The following SEMA4D variants were observed in gnomAD, a reference collection of about 807,000 sequenced individuals.
SEMA4D encodes the protein semaphorin-4D.
A neutral mutation model predicts 74.8 loss-of-function variants in SEMA4D; 22 were observed. The ratio of observed to expected loss-of-function variants is 0.29; its 90% CI spans 0.21 to 0.42. The LOEUF (loss-of-function observed/expected upper bound fraction) is 0.42, where lower values mean the gene tolerates loss of function less well. Among genes scored for constraint, SEMA4D ranks in the 10% least tolerant of loss-of-function variants. The pLI, the probability that SEMA4D is intolerant of heterozygous loss-of-function variation, is 1.00. For synonymous variants in SEMA4D, 445 were observed against 463.7 expected (o/e 0.96, Z 0.52); for missense variants, 937 against 1,118.4 (o/e 0.84, Z 2.31).
chr9:89,487,139 T>C (rs1336830550), intron 1 of SEMA4D, among the ~76,000 whole-genome samples: 1 of 149,350 alleles, frequency 6.7e-6, no homozygotes, highest in South Asian at 2.1e-4. Context: ...TCCAGCAATA[T>C]ATAAATATAT....
intron 2 of SEMA4D, among the ~76,000 whole-genome samples, chr9:89,444,890 A>G (rs1852471645): frequency 6.6e-6 from 1 of 152,134 alleles, no homozygotes. Context: ...AAGAAAGAAG[A>G]TCAATATCTA....
intron 1 of SEMA4D, among the ~76,000 whole-genome samples, chr9:89,474,413 G>A (rs12238518): frequency 0.19 from 28,573 of 152,128 alleles, 2,897 homozygotes; most frequent in East Asian, 0.32. Flanking sequence ...AGATCCAAAT[G>A]CCTCCATGTT....
chr9:89,371,552 TGTG>T (rs1225147206), intron 16 of SEMA4D, among the ~76,000 whole-genome samples: 1 of 3,888 alleles, frequency 2.6e-4, no homozygotes, highest in Non-Finnish European at 5.7e-4. Context: ...GTGTTTGGGG[TGTG>T]GTGTGTGGGG....
At chr9:89,485,506 G>T (rs1317450414) in intron 1 of SEMA4D, among the ~76,000 whole-genome samples, 4 of 152,038 alleles carry the variant, frequency 2.6e-5, no homozygotes, top group Admixed American at 2.6e-4. Context: ...AACATTAACC[G>T]GGCTGGGCAC....
intron 2 of SEMA4D, among the ~76,000 whole-genome samples, chr9:89,437,388 G>A (rs1850686046): frequency 6.6e-6 from 1 of 152,208 alleles, no homozygotes; most frequent in African/African-American, 2.4e-5. Flanking sequence ...ACTTGGTCTT[G>A]AATAAGCAAA....
At chr9:89,464,304 T>C (rs548873748) in intron 1 of SEMA4D, among the ~76,000 whole-genome samples, 28 of 152,204 alleles carry the variant, frequency 1.8e-4, no homozygotes, top group Non-Finnish European at 3.4e-4. Context: ...AAAAAAGGAA[T>C]GGCTGGAAAT....
intron 2 of SEMA4D, among the ~76,000 whole-genome samples, chr9:89,409,972 A>G (rs1233438743): frequency 6.6e-6 from 1 of 152,100 alleles, no homozygotes; most frequent in African/African-American, 2.4e-5. Flanking sequence ...CTTTAAGGAT[A>G]AAAATGGAGG....
At position 89,363,009 on chromosome 9, in the gene SEMA4D, C is replaced by T. The variant is rs146470317; in HGVS notation, c.2190+421G>A. ...GCTCAGGAAGCCACTCCCCCTGACCCCTCCAACAGGTGCCTCAGGTGAGGC... is the reference window on the plus strand; with the variant it reads ...GCTCAGGAAGCCACTCCCCCTGACCTCTCCAACAGGTGCCTCAGGTGAGGC... On this transcript the variant is annotated intron_variant, in intron 18 of 18. Transcript: ENST00000339861. 2.6e-4 allele frequency among the ~76,000 whole-genome samples: 40 copies of T among 152,334 alleles called. No individual in the cohort carries two copies. The East Asian group carries it at 7.0e-3, about 26-fold the overall frequency.
At chr9:89,460,110 G>A (rs928277495) in intron 1 of SEMA4D, among the ~76,000 whole-genome samples, 3 of 152,130 alleles carry the variant, frequency 2.0e-5, no homozygotes, top group African/African-American at 4.8e-5. Flanking sequence ...CCAGTGGCAC[G>A]ATGCATCCCC....
intron 6 of SEMA4D, 85 bp downstream of exon 6, chr9:89,396,652 C>T: frequency 8.9e-7 from 1 of 1,119,268 alleles, no homozygotes; most frequent in Non-Finnish European, 1.3e-6. Flanking sequence ...AGGGTGGAGA[C>T]AGCTTTACGT....
intron 1 of SEMA4D, among the ~76,000 whole-genome samples, chr9:89,461,700 C>CTCTTTTTTTTTTTTTTTTTTTTT (rs71281350): frequency 3.9e-5 from 4 of 103,644 alleles, no homozygotes; most frequent in East Asian, 3.7e-4. Context: ...TCTTTTTTCT[C>CTCTTTTTTTTTTTTTTTTTTTTT]TTTTTTTTTT....
In SEMA4D at chr9:89,378,570, C is replaced by A; in HGVS notation, c.*134G>T. ...ACCCAAGAGAAAATAGACAAGAGGACTGAGGTTGTCTGCACGATGCGGGCT... is the reference window on the plus strand; with the variant it reads ...ACCCAAGAGAAAATAGACAAGAGGAATGAGGTTGTCTGCACGATGCGGGCT... On this transcript the variant is annotated 3_prime_UTR_variant, in exon 16 of 16. Coordinates refer to ENST00000422704, the MANE Select transcript of SEMA4D (RefSeq NM_001371194.2). 1.6e-6 allele frequency: 1 copy of A among 638,950 alleles called. No individual in the cohort carries two copies. The allele number at this position is 638,950 out of a possible 1,614,324, so 39.6% of individuals were successfully genotyped here.
chr9:89,405,912 G>T (rs1029046138), intron 2 of SEMA4D: 64 of 1,190,356 alleles, frequency 5.4e-5, no homozygotes, highest in Non-Finnish European at 6.4e-5. Context: ...AGTGCTTCCC[G>T]CTCCTCCAGC....
rs371708013 is a variant in SEMA4D at position 89,452,260 on chromosome 9, G to A, written c.-244+3628C>T. 3.1e-4 allele frequency among the ~76,000 whole-genome samples: 46 copies of A among 146,180 alleles called. 2 individuals are homozygous for A. The East Asian group carries it at 8.1e-3, about 26-fold the overall frequency. ...GTGGCGCAATCTCGGCTCACTGCAA[G>A]CTCTGCCTCCCAGGTTCACGCCATT... On this transcript the variant is annotated intron_variant, in intron 2 of 15. Transcript: ENST00000422704.
chr9:89,362,205 G>A, exon 19 of SEMA4D: 1 of 812,692 alleles, frequency 1.2e-6, no homozygotes, highest in Non-Finnish European at 2.0e-6. Context: ...TCCTGTCACA[G>A]GCCCACTTGG....
At chr9:89,413,473 T>C in intron 2 of SEMA4D, among the ~76,000 whole-genome samples, 1 of 152,266 alleles carries the variant, frequency 6.6e-6, no homozygotes, top group East Asian at 1.9e-4. Context: ...TGCATCTGTG[T>C]ATGTGCACGC....
chr9:89,426,325 C>A (rs923959568), intron 2 of SEMA4D, among the ~76,000 whole-genome samples: 9 of 152,244 alleles, frequency 5.9e-5, no homozygotes, highest in Non-Finnish European at 1.3e-4. Flanking sequence ...TTGCTTTCAT[C>A]TTTAGTGATT....
chr9:89,461,722 A>C (rs1203802181), intron 1 of SEMA4D, among the ~76,000 whole-genome samples: 1 of 26,128 alleles, frequency 3.8e-5, no homozygotes, highest in Non-Finnish European at 9.3e-5. Context: ...TTTTTTTTGG[A>C]GACAGAGTCT....
At chr9:89,373,033 C>A (rs1835323010), downstream of SEMA4D, among the ~76,000 whole-genome samples, 1 of 152,130 alleles carries the variant, frequency 6.6e-6, no homozygotes, top group Non-Finnish European at 1.5e-5. Flanking sequence ...ACCCCAGCTC[C>A]TGACACAGGC....
Sources: allele counts gnomAD v4.1 joint callset (sites outside exome capture counted in the v4.1 genomes callset), GRCh38; gene constraint gnomAD v4.1.1; transcripts MANE v1.5; gene names NCBI Gene and HGNC (gene_info 2026-07-23, HGNC 2026-07-21).